Variants in CECR2 observed in about 807,000 individuals in gnomAD.
CECR2 encodes the protein chromatin remodeling regulator CECR2.
CECR2 carries 30 observed loss-of-function variants against 154.5 expected under a neutral mutation model. The ratio of observed to expected loss-of-function variants is 0.19; its 90% CI spans 0.15 to 0.26. The LOEUF (loss-of-function observed/expected upper bound fraction) is 0.26. Ranked by LOEUF, CECR2 falls within the 10% of genes least tolerant of loss-of-function variation. The probability of loss-of-function intolerance (pLI) is 1.00; values close to 1 mark genes in which losing one functional copy is unlikely to be tolerated. For missense variants in CECR2, 1,743 were observed against 1,829.3 expected (o/e 0.95, Z 0.86); for synonymous variants, 725 against 683.7 (o/e 1.06, Z -0.94).
intron 2 of CECR2, among the ~76,000 whole-genome samples, chr22:17,483,175 G>A (rs751174038): frequency 2.0e-5 from 3 of 152,200 alleles, no homozygotes; most frequent in African/African-American, 7.2e-5. Context: ...GGCCTAGGCC[G>A]ATGTGTGTGT....
Position 17,542,835 on chromosome 22 carries a change from C to T in CECR2, c.2692C>T (p.Pro898Ser). The stretch of plus-strand genomic sequence containing the variant: ...GCAGCTCTCCTCCCGCGTCTGCCCC[C>T]CAGGTGTGCCTTACCACCCCCACCA... ...MQQLSSRVCPPGVPYHPHQPA... is the reference protein window; with the variant it reads ...MQQLSSRVCPSGVPYHPHQPA... The change falls in exon 16 of 19, where the codon CCA becomes TCA. Residue 898 changes from proline to serine, a missense_variant. By Grantham distance (74) the Pro-to-Ser change is moderately conservative. Transcript: ENST00000262608. 1.9e-6 allele frequency: 3 copies of T among 1,613,720 alleles called. No individual in the cohort carries two copies. The highest frequency in any genetic ancestry group is 1.1e-5 in the South Asian group (1 of 91,064).
intron 1 of CECR2, among the ~76,000 whole-genome samples, chr22:17,370,732 C>A (rs1002321242): frequency 3.9e-5 from 6 of 152,164 alleles, no homozygotes; most frequent in African/African-American, 7.2e-5. Context: ...TGGAGCGCGG[C>A]GGGTGGCGGG....
intron 1 of CECR2, among the ~76,000 whole-genome samples, chr22:17,406,338 T>C (rs995471977): frequency 6.6e-6 from 1 of 152,146 alleles, no homozygotes; most frequent in Non-Finnish European, 1.5e-5. Context: ...CTGGCCAACA[T>C]GACGAAACCC....
In CECR2 at chr22:17,548,268, C is replaced by T; in HGVS notation, c.2981C>T (p.Ser994Leu). Residue 994 changes from serine (S) to leucine (L), a missense_variant, in exon 17 of 19, where the codon TCA becomes TTA. Around this residue, in one of 4 missense-constraint regions of CECR2, gnomAD observed 1,250 missense variants for 1,192.1 expected, o/e 1.05. Transcript: ENST00000262608. ...CAGACTGACTGCACCAGGCAGAGCT[C>T]ACCACAAGAAAGGGAAACAGTGGGC... is the stretch of plus-strand genomic sequence containing the variant. ...PLQTDCTRQS[S>L]PQERETVGPE... The T allele has an allele frequency of 2.5e-6, 4 of 1,606,460 alleles. No homozygotes were observed. The highest frequency in any genetic ancestry group is 3.4e-6 in the Non-Finnish European group (4 of 1,176,400).
At chr22:17,499,252 G>A (rs1026538114) in intron 3 of CECR2, among the ~76,000 whole-genome samples, 158 bp from the exon 4 acceptor site, 14 of 152,030 alleles carry the variant, frequency 9.2e-5, no homozygotes, top group African/African-American at 3.4e-4. Flanking sequence ...GCCTCCCAAA[G>A]TGCTGGGATT....
At chr22:17,479,839 C>T (rs969826612) in intron 2 of CECR2, among the ~76,000 whole-genome samples, 2 of 143,044 alleles carry the variant, frequency 1.4e-5, no homozygotes, top group African/African-American at 5.2e-5. Flanking sequence ...AGGATCCTGT[C>T]TCACTGTAGC....
At chr22:17,471,731 C>T (rs2055130650) in intron 1 of CECR2, among the ~76,000 whole-genome samples, 1 of 152,014 alleles carries the variant, frequency 6.6e-6, no homozygotes, top group Non-Finnish European at 1.5e-5. Flanking sequence ...GACAGGGTTT[C>T]ACCATGTTGG....
intron 1 of CECR2, among the ~76,000 whole-genome samples, chr22:17,427,185 T>C (rs2054344524): frequency 6.6e-6 from 1 of 152,156 alleles, no homozygotes; most frequent in Non-Finnish European, 1.5e-5. Flanking sequence ...GCAAAGGACA[T>C]GAACTCACCC....
At chr22:17,498,609 T>G (rs1220007462) in intron 3 of CECR2, among the ~76,000 whole-genome samples, 1 of 152,160 alleles carries the variant, frequency 6.6e-6, no homozygotes, top group Non-Finnish European at 1.5e-5. Context: ...AGAAGGCCAG[T>G]ACAGGTCAGC....
intron 1 of CECR2, among the ~76,000 whole-genome samples, chr22:17,361,269 T>C (rs535819466): frequency 3.3e-5 from 5 of 152,256 alleles, no homozygotes; most frequent in African/African-American, 1.2e-4. Flanking sequence ...GGGCATATCA[T>C]TGAGGTCAGG....
chr22:17,370,320 G>GC (rs1491200053), intron 1 of CECR2, among the ~76,000 whole-genome samples: 1 of 111,624 alleles, frequency 9.0e-6, no homozygotes, highest in Non-Finnish European at 1.7e-5. Context: ...GGCCGGGCGC[G>GC]GGGGGGGGGC....
intron 2 of CECR2, among the ~76,000 whole-genome samples, chr22:17,488,179 G>A (rs750641751): frequency 3.5e-4 from 53 of 152,186 alleles, no homozygotes; most frequent in Non-Finnish European, 4.6e-4. Flanking sequence ...CACCGCACCC[G>A]GCCTCATTTA....
Position 17,540,220 on chromosome 22 carries a change from C to T in CECR2, c.1496-192C>T, listed in dbSNP as rs192707265. On this transcript the variant is annotated intron_variant, in intron 13 of 18. Transcript: ENST00000262608. ...TAGAAACCACGTCTTCTTCATCTTG[C>T]ATCCATAGCTCTACAATATAATGTG... Among the ~76,000 whole-genome samples the T allele has an allele frequency of 2.4e-4, 36 of 151,254 alleles. 1 individual carries two copies. Among genetic ancestry groups the T allele is most frequent in the Non-Finnish European group, 4.3e-4 (29 of 67,784 alleles).
At chr22:17,540,256 G>A (rs1247209556) in intron 13 of CECR2, among the ~76,000 whole-genome samples, 156 bp from the exon 14 acceptor site, 2 of 152,130 alleles carry the variant, frequency 1.3e-5, no homozygotes, top group African/African-American at 4.8e-5. Context: ...CCCTAAAGGT[G>A]AATTAAACTC....
At chr22:17,395,663 T>C (rs16982367) in intron 1 of CECR2, among the ~76,000 whole-genome samples, 8,137 of 152,198 alleles carry the variant, frequency 0.053, 346 homozygotes, top group African/African-American at 0.12. Context: ...GACTCTTAAA[T>C]ACTTAAGCAC....
At chr22:17,538,887 T>G in intron 12 of CECR2, 106 bp from the exon 13 acceptor site, 1 of 1,387,528 alleles carries the variant, frequency 7.2e-7, no homozygotes, top group Non-Finnish European at 9.9e-7. Flanking sequence ...TGTTATTCAT[T>G]ACAGATCAGC....
chr22:17,523,970 A>G, intron 8 of CECR2, 148 bp from the exon 9 acceptor site: 1 of 638,232 alleles, frequency 1.6e-6, no homozygotes, highest in South Asian at 2.0e-5. Flanking sequence ...ATCCATGTGT[A>G]TTTTACAGAT....
intron 1 of CECR2, among the ~76,000 whole-genome samples, chr22:17,430,278 A>G (rs974883325): frequency 4.6e-5 from 7 of 152,170 alleles, no homozygotes; most frequent in African/African-American, 1.7e-4. Context: ...GCATTTGTTT[A>G]GCAAAATGGT....
intron 16 of CECR2, among the ~76,000 whole-genome samples, 190 bp from the exon 17 acceptor site, chr22:17,547,958 C>T (rs570827321): frequency 6.6e-5 from 10 of 152,046 alleles, no homozygotes; most frequent in Non-Finnish European, 1.2e-4. Context: ...CCTTTGTGTC[C>T]GTGAAAGGGG....
Sources: allele counts gnomAD v4.1 joint callset (sites outside exome capture counted in the v4.1 genomes callset), GRCh38; gene constraint gnomAD v4.1.1; regional missense constraint gnomAD v4.1.1; transcripts MANE v1.5; gene names NCBI Gene and HGNC (gene_info 2026-07-23, HGNC 2026-07-21).